Variants in NAA38 observed in about 807,000 individuals in gnomAD.
The protein encoded by NAA38 is LSM domain containing 1.
A neutral mutation model predicts 12.6 loss-of-function variants in NAA38; 15 were observed. The ratio of observed to expected loss-of-function variants is 1.19; its 90% confidence interval spans 0.79 to 1.83. NAA38 has a LOEUF of 1.83. Ranked by LOEUF, NAA38 falls within the 40% of genes most tolerant of loss-of-function variation. The probability of loss-of-function intolerance (pLI) is 0.00; values close to 1 mark genes in which losing one functional copy is unlikely to be tolerated. For synonymous variants in NAA38, 88 were observed against 69.9 expected, an observed-to-expected ratio of 1.26 and a Z score of -1.29; for missense variants, 183 against 171.7, an observed-to-expected ratio of 1.07 and a Z score of -0.37.
At chr17:7,859,493 A>G, upstream of NAA38, 1 of 1,614,076 alleles carries the variant, frequency 6.2e-7, no homozygotes, top group Non-Finnish European at 8.5e-7. Context: ...CATGGATTTT[A>G]CCCTGGAAGA....
intron 2 of NAA38, among the ~76,000 whole-genome samples, chr17:7,879,964 A>C (rs181587691): frequency 1.3e-5 from 2 of 152,122 alleles, no homozygotes; most frequent in African/African-American, 4.8e-5. Flanking sequence ...ACTGACAGAG[A>C]AGGCAGGCAA....
At chr17:7,858,448 T>TCAGC, upstream of NAA38, 1 of 1,614,184 alleles carries the variant, frequency 6.2e-7, no homozygotes, top group South Asian at 1.1e-5. Context: ...GGCCAGGATA[T>TCAGC]CAGCCACTGG....
At chr17:7,863,654 C>G (rs774669014) in intron 3 of NAA38, 17 of 152,012 alleles carry the variant, frequency 1.1e-4, no homozygotes, top group South Asian at 2.1e-4. Flanking sequence ...TCTAAATACT[C>G]TGTGTGTGTG....
At chr17:7,879,942 G>A (rs944948385) in intron 2 of NAA38, among the ~76,000 whole-genome samples, 1 of 152,006 alleles carries the variant, frequency 6.6e-6, no homozygotes, top group African/African-American at 2.4e-5. Flanking sequence ...GGCAGGGAGG[G>A]AATGGAGATT....
chr17:7,866,951 C>T (rs1006460212), intron 2 of NAA38, among the ~76,000 whole-genome samples: 1 of 152,104 alleles, frequency 6.6e-6, no homozygotes, highest in African/African-American at 2.4e-5. Context: ...AAGTATGAAA[C>T]ACACATCAGG....
intron 1 of NAA38, 60 bp downstream of exon 1, chr17:7,857,323 C>T (rs1432128218): frequency 3.1e-6 from 5 of 1,612,762 alleles, no homozygotes; most frequent in East Asian, 2.2e-5. Flanking sequence ...TGCAGTTCCC[C>T]ACCCCCTCCA....
intron 2 of NAA38, 34 bp from the exon 3 acceptor site, chr17:7,856,877 G>C (rs1313918083): frequency 1.2e-6 from 2 of 1,608,242 alleles, no homozygotes; most frequent in Middle Eastern, 1.7e-4. Context: ...AGGAAAGTAG[G>C]CCAGAATCAG....
At chr17:7,883,871 G>T (rs1404190540) in intron 1 of NAA38, among the ~76,000 whole-genome samples, 3 of 151,866 alleles carry the variant, frequency 2.0e-5, no homozygotes, top group Non-Finnish European at 4.4e-5. Flanking sequence ...AGGGAGGTGG[G>T]GAGGAAGAGA....
intron 3 of NAA38, chr17:7,863,110 G>A (rs1355363879): frequency 6.6e-6 from 1 of 152,148 alleles, no homozygotes; most frequent in Non-Finnish European, 1.5e-5. Flanking sequence ...GCAAAGTATG[G>A]AGCTGACAAA....
chr17:7,876,992 G>T, intron 2 of NAA38: 1 of 272,720 alleles, frequency 3.7e-6, no homozygotes, highest in South Asian at 3.0e-5. Flanking sequence ...CCTCACTAAT[G>T]TTTTAAAAAC....
upstream of NAA38, chr17:7,860,034 G>A: frequency 1.0e-5 from 2 of 192,012 alleles, no homozygotes; most frequent in Non-Finnish European, 2.2e-5. Context: ...TACAAAGCTG[G>A]CTTATCTTAC....
At position 7,857,538 on chromosome 17, in the gene NAA38, C is replaced by G. The variant is rs1191335542; in HGVS notation, c.-75G>C. ...GTTGGGTGGTCCGAGATCTCGCGAGCGCTCCCGACCTCTTTCCTTTCGCGA... is the reference window on the plus strand; with the variant it reads ...GTTGGGTGGTCCGAGATCTCGCGAGGGCTCCCGACCTCTTTCCTTTCGCGA... On this transcript the variant is annotated 5_prime_UTR_variant, in exon 1 of 3. Coordinates refer to ENST00000575771, the MANE Select transcript of NAA38 (RefSeq NM_001320925.4). 1 of 1,453,504 alleles carries G rather than the reference C, an allele frequency of 6.9e-7. No individual in the cohort carries two copies. The highest frequency in any genetic ancestry group is 9.0e-7 in the Non-Finnish European group (1 of 1,106,258). The allele number at this position is 1,453,504 out of a possible 1,614,324, so 90.0% of individuals were successfully genotyped here.
chr17:7,872,003 G>A (rs1449734231), intron 2 of NAA38, among the ~76,000 whole-genome samples: 1 of 151,920 alleles, frequency 6.6e-6, no homozygotes, highest in Admixed American at 6.6e-5. Flanking sequence ...TTCTTCTTTG[G>A]CCCTTCCAAT....
At chr17:7,881,670 T>C (rs1433390139) in intron 2 of NAA38, among the ~76,000 whole-genome samples, 5 of 147,566 alleles carry the variant, frequency 3.4e-5, no homozygotes, top group Non-Finnish European at 7.5e-5. Context: ...GCAAGAGAGA[T>C]CTAAAGGGAG....
At chr17:7,876,549 T>C (rs1455022646) in intron 2 of NAA38, among the ~76,000 whole-genome samples, 1 of 152,206 alleles carries the variant, frequency 6.6e-6, no homozygotes, top group Non-Finnish European at 1.5e-5. Flanking sequence ...GCTATACAAA[T>C]CTCAGTTATT....
At chr17:7,880,760 C>T (rs974755211) in intron 2 of NAA38, among the ~76,000 whole-genome samples, 5 of 152,176 alleles carry the variant, frequency 3.3e-5, no homozygotes, top group African/African-American at 1.2e-4. Flanking sequence ...TTCTCCAATA[C>T]ACATTTCAGT....
chr17:7,882,746 A>G (rs2151394125), intron 2 of NAA38, among the ~76,000 whole-genome samples: 1 of 152,286 alleles, frequency 6.6e-6, no homozygotes, highest in East Asian at 1.9e-4. Context: ...GGAGTGGAAC[A>G]TTAATAAAGA....
chr17:7,871,579 C>T (rs1331859435), intron 2 of NAA38, among the ~76,000 whole-genome samples: 3 of 152,080 alleles, frequency 2.0e-5, no homozygotes, highest in Non-Finnish European at 4.4e-5. Flanking sequence ...CTGGAGTAAT[C>T]CTGGAGCCAG....
chr17:7,876,897 C>T (rs1967184098), intron 2 of NAA38, among the ~76,000 whole-genome samples: 1 of 152,004 alleles, frequency 6.6e-6, no homozygotes, highest in Non-Finnish European at 1.5e-5. Context: ...ATATTTTTTT[C>T]TTTCATAAAT....
Sources: allele counts gnomAD v4.1 joint callset (sites outside exome capture counted in the v4.1 genomes callset), GRCh38; gene constraint gnomAD v4.1.1; transcripts MANE v1.5; gene names NCBI Gene and HGNC (gene_info 2026-07-23, HGNC 2026-07-21).